Variants in SLC25A13 observed in about 807,000 individuals in gnomAD.
SLC25A13 encodes the protein solute carrier family 25 member 13.
Under a neutral mutation model 85.5 loss-of-function variants are expected in SLC25A13, and 70 were observed. The observed-to-expected ratio is 0.82, with a 90% confidence interval of 0.68 to 1.00. The LOEUF (loss-of-function observed/expected upper bound fraction) is 1.00. Ranked by LOEUF, SLC25A13 falls within the 50% of genes least tolerant of loss-of-function variation. The pLI is 0.00. For missense variants in SLC25A13, 765 were observed against 819.8 expected (o/e 0.93, Z 0.82); for synonymous variants, 259 against 288.7 (o/e 0.90, Z 1.04).
chr7:96,209,347 A>AAC (rs760463709), intron 4 of SLC25A13, among the ~76,000 whole-genome samples: 5 of 26,320 alleles, frequency 1.9e-4, no homozygotes, highest in African/African-American at 2.7e-4. Context: ...GTGGCAGGAA[A>AAC]ACACATACAC....
chr7:96,297,781 A>C (rs749221202), intron 1 of SLC25A13, among the ~76,000 whole-genome samples: 3 of 152,176 alleles, frequency 2.0e-5, no homozygotes, highest in Non-Finnish European at 4.4e-5. Flanking sequence ...CTCAGTTTTT[A>C]ATTAATAAAT....
In SLC25A13 at chr7:96,227,648, G is replaced by C. The variant is rs563998781; in HGVS notation, c.328+7154C>G. Among the ~76,000 whole-genome samples the C allele has an allele frequency of 1.5e-3, 231 of 152,308 alleles. 1 individual carries two copies. The highest frequency in any genetic ancestry group is 5.3e-3 in the African/African-American group (222 of 41,562). ...GATTTATGATAGTAGTACCACTGCA[G>C]TGCAATAAAGAAAAGAACCATCTTT... is the stretch of plus-strand genomic sequence containing the variant. On this transcript the variant is annotated intron_variant, in intron 4 of 17. Transcript: ENST00000265631.
chr7:96,128,421 T>C (rs1251347784), intron 15 of SLC25A13, among the ~76,000 whole-genome samples: 1 of 152,186 alleles, frequency 6.6e-6, no homozygotes. Flanking sequence ...TTCTGATATC[T>C]GTTATTAAAT....
intron 3 of SLC25A13, among the ~76,000 whole-genome samples, chr7:96,254,935 CAT>C (rs1797572184): frequency 6.6e-6 from 1 of 152,016 alleles, no homozygotes; most frequent in Non-Finnish European, 1.5e-5. Context: ...ATTTGGGAAA[CAT>C]ATGTTTTACA....
At chr7:96,271,026 C>T (rs1321076500) in intron 3 of SLC25A13, among the ~76,000 whole-genome samples, 1 of 152,182 alleles carries the variant, frequency 6.6e-6, no homozygotes, top group East Asian at 1.9e-4. Flanking sequence ...TAGAGCCCAC[C>T]TAAACAATCC....
rs182326089 is a variant in SLC25A13 at position 96,296,223 on chromosome 7, C to A, written c.69+675G>T. ...TTCTACCAGGGAGAGACAGTATAGT[C>A]CCATGGATGAGTGAAGGATTACTGA... On this transcript the variant is annotated intron_variant, in intron 2 of 17. Transcript: ENST00000265631. 2.3e-3 allele frequency among the ~76,000 whole-genome samples: 351 copies of A among 152,000 alleles called. 3 individuals are homozygous for A. The highest frequency in any genetic ancestry group is 2.1e-3 in the East Asian group (11 of 5,164).
chr7:96,280,440 G>T (rs1307731666), intron 2 of SLC25A13, among the ~76,000 whole-genome samples: 1 of 152,060 alleles, frequency 6.6e-6, no homozygotes, highest in Non-Finnish European at 1.5e-5. Context: ...GCAAGGCAGG[G>T]CACACTGACT....
At chr7:96,131,600 TC>T in intron 15 of SLC25A13, 142 bp downstream of exon 15, 1 of 1,021,682 alleles carries the variant, frequency 9.8e-7, no homozygotes, top group South Asian at 1.5e-5. Flanking sequence ...CCCTTTTTTT[TC>T]AGTAGCTCTT....
chr7:96,243,220 C>A (rs1481010601), intron 3 of SLC25A13, among the ~76,000 whole-genome samples: 1 of 152,212 alleles, frequency 6.6e-6, no homozygotes, highest in African/African-American at 2.4e-5. Flanking sequence ...CCCGCCTCAG[C>A]CTCCCAAAGT....
At chr7:96,240,067 C>T (rs61241177) in intron 3 of SLC25A13, among the ~76,000 whole-genome samples, 2,773 of 152,210 alleles carry the variant, frequency 0.018, 85 homozygotes, top group African/African-American at 0.064. Context: ...TTCACTGTAG[C>T]GTAACTTTAG....
chr7:96,241,307 T>C (rs1796989838), intron 3 of SLC25A13, among the ~76,000 whole-genome samples: 1 of 152,190 alleles, frequency 6.6e-6, no homozygotes, highest in Non-Finnish European at 1.5e-5. Context: ...TAGGAGTTTA[T>C]CCTAAAAAAT....
At chr7:96,273,813 C>T (rs1205462390) in intron 3 of SLC25A13, among the ~76,000 whole-genome samples, 1 of 152,114 alleles carries the variant, frequency 6.6e-6, no homozygotes, top group Non-Finnish European at 1.5e-5. Flanking sequence ...ATCCATGTTG[C>T]ATGTGAACTT....
chr7:96,295,854 A>C (rs1799325799), intron 2 of SLC25A13, among the ~76,000 whole-genome samples: 1 of 150,796 alleles, frequency 6.6e-6, no homozygotes, highest in Non-Finnish European at 1.5e-5. Context: ...ATATTAATAT[A>C]TGTTATTAAT....
chr7:96,124,864 T>G (rs1791662325), intron 15 of SLC25A13, among the ~76,000 whole-genome samples: 1 of 152,222 alleles, frequency 6.6e-6, no homozygotes, highest in African/African-American at 2.4e-5. Flanking sequence ...CATGCATTTG[T>G]TATATAGGTG....
chr7:96,146,360 T>G (rs993207795), intron 14 of SLC25A13, among the ~76,000 whole-genome samples, 196 bp downstream of exon 14: 1 of 151,904 alleles, frequency 6.6e-6, no homozygotes, highest in African/African-American at 2.4e-5. Context: ...TGTGTATTGA[T>G]GAGGATAGTT....
intron 3 of SLC25A13, among the ~76,000 whole-genome samples, chr7:96,249,922 G>A (rs1210920386): frequency 1.3e-5 from 2 of 148,532 alleles, no homozygotes; most frequent in Non-Finnish European, 3.0e-5. Context: ...GGTGGCTCAC[G>A]CCTGTAATCC....
chr7:96,124,555 C>T (rs1213676715), intron 15 of SLC25A13, among the ~76,000 whole-genome samples: 1 of 152,156 alleles, frequency 6.6e-6, no homozygotes, highest in Non-Finnish European at 1.5e-5. Context: ...ACCTTGAATT[C>T]CATTCAGTAT....
rs561133998 is a variant in SLC25A13, at chr7:96,146,174, A to G, written c.1452+382T>C. Among the ~76,000 whole-genome samples the G allele has an allele frequency of 1.6e-4, 25 of 152,338 alleles. No homozygotes were observed. The South Asian group carries it at 5.2e-3, about 32-fold the overall frequency. On this transcript the variant is annotated intron_variant, in intron 14 of 17. Coordinates refer to ENST00000265631, the MANE Select transcript of SLC25A13 (RefSeq NM_014251.3). ...AGACAAGGCATACATATATAGAGAA[A>G]ACATGGATCGGACCATATGCATAGG... is the stretch of plus-strand genomic sequence containing the variant.
Position 96,120,769 on chromosome 7 carries a change from T to C in SLC25A13, c.*422A>G. 2.2e-6 allele frequency: 1 copy of C among 455,316 alleles called. No homozygotes were observed. Among genetic ancestry groups the C allele is most frequent in the Non-Finnish European group, 4.4e-6 (1 of 227,762 alleles). The allele number at this position is 455,316 out of a possible 1,614,324, so 28.2% of individuals were successfully genotyped here. On this transcript the variant is annotated 3_prime_UTR_variant, in exon 18 of 18. Transcript: ENST00000265631. ...TCATTTCTCCCAGTGTTTTTTATTT[T>C]TATAAATATGCACCTAGTTTCCTAC...
Sources: allele counts gnomAD v4.1 joint callset (sites outside exome capture counted in the v4.1 genomes callset), GRCh38; gene constraint gnomAD v4.1.1; transcripts MANE v1.5; gene names NCBI Gene and HGNC (gene_info 2026-07-23, HGNC 2026-07-21).